The following FHIT variants were observed in gnomAD, a reference collection of about 807,000 sequenced individuals.
FHIT encodes bis(5'-adenosyl)-triphosphatase.
Under a neutral mutation model 17.9 loss-of-function variants are expected in FHIT, and 19 were observed. The ratio of observed to expected loss-of-function variants is 1.06; its 90% CI spans 0.74 to 1.56. The LOEUF (loss-of-function observed/expected upper bound fraction) is 1.56. FHIT is among the 40% of genes most tolerant of loss of function. The probability of loss-of-function intolerance (pLI) is 0.00; values close to 1 mark genes in which losing one functional copy is unlikely to be tolerated. For missense variants in FHIT, 248 were observed against 189.2 expected, an observed-to-expected ratio of 1.31 and a Z score of -1.82; for synonymous variants, 81 against 69.7, an observed-to-expected ratio of 1.16 and a Z score of -0.81.
At chr3:60,187,759 T>A (rs959915332) in intron 5 of FHIT, among the ~76,000 whole-genome samples, 2 of 152,188 alleles carry the variant, frequency 1.3e-5, no homozygotes, top group African/African-American at 4.8e-5. Flanking sequence ...AGATGCTGAT[T>A]TAAGAAGAGA....
chr3:60,078,188 A>C (rs1703116776), intron 5 of FHIT, among the ~76,000 whole-genome samples: 1 of 152,158 alleles, frequency 6.6e-6, no homozygotes, highest in Admixed American at 6.5e-5. Flanking sequence ...CTACAAGTAT[A>C]TTCCTATAAG....
At chr3:59,806,671 T>TATGG (rs1455737871) in intron 8 of FHIT, among the ~76,000 whole-genome samples, 2 of 7,756 alleles carry the variant, frequency 2.6e-4, no homozygotes, top group Non-Finnish European at 8.0e-4. Flanking sequence ...TACATATATA[T>TATGG]GTGTATATAT....
intron 4 of FHIT, among the ~76,000 whole-genome samples, chr3:60,744,532 T>C (rs1226696516): frequency 2.0e-5 from 3 of 152,172 alleles, no homozygotes; most frequent in African/African-American, 7.2e-5. Context: ...TTACACTTTA[T>C]AGTTGTGAGC....
At chr3:59,927,971 G>A (rs1448440048) in intron 7 of FHIT, among the ~76,000 whole-genome samples, 11 of 152,108 alleles carry the variant, frequency 7.2e-5, no homozygotes, top group African/African-American at 1.4e-4. Context: ...TGGTTGTATC[G>A]ATATCCTTTT....
intron 5 of FHIT, among the ~76,000 whole-genome samples, chr3:60,432,011 T>C (rs905732808): frequency 6.6e-6 from 1 of 152,142 alleles, no homozygotes; most frequent in African/African-American, 2.4e-5. Flanking sequence ...GGTCTTACTC[T>C]GTCACCCAGG....
intron 2 of FHIT, among the ~76,000 whole-genome samples, chr3:61,139,544 G>A (rs1309906129): frequency 5.3e-5 from 8 of 150,842 alleles, no homozygotes; most frequent in Non-Finnish European, 1.0e-4. Flanking sequence ...TTTAGCTCTC[G>A]GTGATAAGTA....
At chr3:60,039,178 A>G (rs1050903569) in intron 5 of FHIT, among the ~76,000 whole-genome samples, 1 of 152,218 alleles carries the variant, frequency 6.6e-6, no homozygotes, top group East Asian at 1.9e-4. Flanking sequence ...CAAGGTAGCC[A>G]GACTTATCAT....
At chr3:60,431,506 C>T (rs1346534987) in intron 5 of FHIT, among the ~76,000 whole-genome samples, 2 of 152,050 alleles carry the variant, frequency 1.3e-5, no homozygotes, top group Non-Finnish European at 2.9e-5. Context: ...CTCCCCACCT[C>T]CCACACATAC....
chr3:60,688,885 C>T (rs1201758727), intron 4 of FHIT, among the ~76,000 whole-genome samples: 8 of 152,074 alleles, frequency 5.3e-5, no homozygotes, highest in Non-Finnish European at 1.2e-4. Context: ...ACTATTGGCC[C>T]TCCTTGTCTG....
intron 8 of FHIT, among the ~76,000 whole-genome samples, chr3:59,886,810 A>G (rs1192521682): frequency 6.6e-6 from 1 of 152,210 alleles, no homozygotes; most frequent in African/African-American, 2.4e-5. Flanking sequence ...CTAGTCAATT[A>G]TTTCCGCAGT....
chr3:60,042,743 G>C (rs557017366), intron 5 of FHIT, among the ~76,000 whole-genome samples: 3 of 151,948 alleles, frequency 2.0e-5, no homozygotes, highest in African/African-American at 7.2e-5. Flanking sequence ...CTTTGCAAGG[G>C]ATACAATTCA....
At chr3:60,005,582 T>C (rs1020306021) in intron 7 of FHIT, among the ~76,000 whole-genome samples, 2 of 152,170 alleles carry the variant, frequency 1.3e-5, no homozygotes, top group Non-Finnish European at 2.9e-5. Flanking sequence ...GCAGTTGTCT[T>C]TGGTTTACCA....
intron 4 of FHIT, among the ~76,000 whole-genome samples, chr3:60,718,910 C>CT (rs572286996): frequency 9.8e-5 from 15 of 152,290 alleles, no homozygotes; most frequent in African/African-American, 3.6e-4. Flanking sequence ...TACTTTGATG[C>CT]TTTTTTATTT....
At chr3:60,346,153 C>A (rs1215947756) in intron 5 of FHIT, among the ~76,000 whole-genome samples, 1 of 152,144 alleles carries the variant, frequency 6.6e-6, no homozygotes, top group Non-Finnish European at 1.5e-5. Context: ...CACAGTGACT[C>A]CTTAGAGAGT....
chr3:60,136,580 T>C (rs994002105), intron 5 of FHIT, among the ~76,000 whole-genome samples: 2 of 152,190 alleles, frequency 1.3e-5, no homozygotes, highest in African/African-American at 4.8e-5. Flanking sequence ...TCTATCCTTA[T>C]AGGGGTTCGG....
At chr3:60,170,785 T>C (rs1418487828) in intron 5 of FHIT, among the ~76,000 whole-genome samples, 1 of 152,234 alleles carries the variant, frequency 6.6e-6, no homozygotes, top group Non-Finnish European at 1.5e-5. Context: ...TATTTAGTTT[T>C]TGGCAGTTAT....
intron 4 of FHIT, among the ~76,000 whole-genome samples, chr3:60,622,142 C>T (rs782620887): frequency 1.3e-5 from 2 of 152,084 alleles, no homozygotes; most frequent in African/African-American, 2.4e-5. Flanking sequence ...ATTGAAAACC[C>T]GGGCAAGCCT....
In FHIT at chr3:61,069,735, T is replaced by C. The variant is rs1370410719; in HGVS notation, c.-163-27636A>G. On this transcript the variant is annotated intron_variant, in intron 2 of 9. Transcript: ENST00000492590. ...TTCGTATCCCCAGAATTTAGCACAGTGCCCCACACATAGTATATGTTCAGG... is the reference window on the plus strand; with the variant it reads ...TTCGTATCCCCAGAATTTAGCACAGCGCCCCACACATAGTATATGTTCAGG... 2.0e-5 allele frequency among the ~76,000 whole-genome samples: 3 copies of C among 152,306 alleles called. No individual in the cohort carries two copies. In the East Asian group the frequency reaches 5.8e-4, roughly 29 times the overall value.
chr3:60,081,660 T>C (rs1192181313), intron 5 of FHIT, among the ~76,000 whole-genome samples: 2 of 152,308 alleles, frequency 1.3e-5, no homozygotes, highest in Non-Finnish European at 2.9e-5. Context: ...TAGGCTCTTA[T>C]TTAATTATGC....
Sources: allele counts gnomAD v4.1 joint callset (sites outside exome capture counted in the v4.1 genomes callset), GRCh38; gene constraint gnomAD v4.1.1; transcripts MANE v1.5; gene names NCBI Gene and HGNC (gene_info 2026-07-23, HGNC 2026-07-21).